The following INTS4 variants were observed in gnomAD, a reference collection of about 807,000 sequenced individuals.
The protein encoded by INTS4 is integrator complex subunit 4, also known as MSTP093.
In INTS4, 70 loss-of-function variants were observed where a neutral mutation model predicts 119.5. That is an observed-to-expected ratio of 0.59 (90% confidence interval 0.48 to 0.71). INTS4 has a LOEUF of 0.71. Among genes scored for constraint, INTS4 ranks in the 30% least tolerant of loss-of-function variants. The pLI is 0.00. For synonymous variants in INTS4, 316 were observed against 419.6 expected (o/e 0.75, Z 3.02); for missense variants, 867 against 1,173.2 (o/e 0.74, Z 3.81).
chr11:77,887,587 G>A (rs935202395), intron 21 of INTS4, among the ~76,000 whole-genome samples: 1 of 152,168 alleles, frequency 6.6e-6, no homozygotes, highest in African/African-American at 2.4e-5. Context: ...TTAGGTAGGA[G>A]AAGGAAATAA....
chr11:77,903,792 A>G (rs1042011488), intron 16 of INTS4, among the ~76,000 whole-genome samples, 172 bp from the exon 17 acceptor site: 1 of 152,200 alleles, frequency 6.6e-6, no homozygotes, highest in African/African-American at 2.4e-5. Context: ...GATGAGACCA[A>G]TGGTTTGGGC....
intron 4 of INTS4, 36 bp downstream of exon 4, chr11:77,978,960 G>C (rs368976777): frequency 4.4e-6 from 6 of 1,353,150 alleles, no homozygotes; most frequent in Non-Finnish European, 6.4e-6. Flanking sequence ...TCAGTTACCA[G>C]TTTAGGATGG....
chr11:77,901,893 T>C (rs543493459), intron 17 of INTS4, among the ~76,000 whole-genome samples: 1 of 151,812 alleles, frequency 6.6e-6, no homozygotes, highest in Non-Finnish European at 1.5e-5. Context: ...ATATATATTA[T>C]GTATGGAAAC....
chr11:77,977,728 A>G (rs10899420), intron 4 of INTS4, among the ~76,000 whole-genome samples: 91,643 of 150,446 alleles, frequency 0.61, 28,442 homozygotes, highest in African/African-American at 0.71. Flanking sequence ...ATATATTTAA[A>G]GCAGATTTAA....
intron 4 of INTS4, chr11:77,963,332 C>A (rs889086148): frequency 8.7e-6 from 3 of 344,892 alleles, no homozygotes; most frequent in South Asian, 6.2e-5. Flanking sequence ...TCTGGCCGGG[C>A]GCAGAACGAG....
intron 10 of INTS4, among the ~76,000 whole-genome samples, chr11:77,929,593 C>T (rs1402704460): frequency 1.3e-5 from 2 of 152,188 alleles, no homozygotes; most frequent in Non-Finnish European, 2.9e-5. Context: ...TGTGGATTCA[C>T]TTGCCTCAAA....
chr11:77,977,325 T>C (rs1231757004), intron 4 of INTS4, among the ~76,000 whole-genome samples: 1 of 151,984 alleles, frequency 6.6e-6, no homozygotes, highest in Non-Finnish European at 1.5e-5. Context: ...GGACACAATA[T>C]CACACAGCTA....
chr11:77,908,143 T>C (rs1324821884), intron 15 of INTS4, among the ~76,000 whole-genome samples: 1 of 152,214 alleles, frequency 6.6e-6, no homozygotes. Flanking sequence ...TATTCATTGT[T>C]ATGTGGACTA....
rs1318211724 is a variant in INTS4, at chr11:77,879,059, AG to A, written c.2781del (p.Trp928GlyfsTer25). 3.1e-6 allele frequency: 5 copies of A among 1,614,170 alleles called. No homozygotes were observed. The highest frequency in any genetic ancestry group is 4.2e-6 in the Non-Finnish European group (5 of 1,180,016). ...GGTGACATCTCACCACCCTCCATCC[AG>A]GGGCATTTTGGAATGCGAGCACTGG... ...YNSSARIPKC[P>X]WMEGGEMSPQ... On this transcript the variant is annotated frameshift_variant, in exon 23 of 23. Coordinates refer to ENST00000534064, the MANE Select transcript of INTS4 (RefSeq NM_033547.4). LOFTEE classifies it high-confidence loss of function.
chr11:77,938,614 T>C, intron 10 of INTS4, 37 bp downstream of exon 10: 1 of 1,593,206 alleles, frequency 6.3e-7, no homozygotes, highest in Non-Finnish European at 8.6e-7. Flanking sequence ...CAGCAGTCAC[T>C]TAAAGAGTGC....
intron 10 of INTS4, among the ~76,000 whole-genome samples, 193 bp downstream of exon 10, chr11:77,938,458 C>T (rs1220777494): frequency 2.0e-5 from 3 of 152,190 alleles, no homozygotes; most frequent in Non-Finnish European, 4.4e-5. Context: ...GAACCCAAAT[C>T]TCTTGCTCTT....
rs1385127515 is a variant in INTS4 at position 77,961,004 on chromosome 11, A to G, written c.606T>C (p.Asp202=). The G allele has an allele frequency of 6.2e-7, 1 of 1,613,792 alleles. No individual in the cohort carries two copies. The highest frequency in any genetic ancestry group is 8.5e-7 in the Non-Finnish European group (1 of 1,179,864). The change falls in exon 5 of 23, where the codon GAT becomes GAC. Residue 202 remains aspartate, a synonymous_variant. Coordinates refer to ENST00000534064, the MANE Select transcript of INTS4 (RefSeq NM_033547.4). Reference sequence around the variant, plus strand: ...CACGTGGGTCTTGGTCACTGAAGTAATCCCCTATAATCTTCTGGACATCTC... The same window carrying G: ...CACGTGGGTCTTGGTCACTGAAGTAGTCCCCTATAATCTTCTGGACATCTC... The part of the protein sequence containing the change: ...AARDVQKIIG[D]YFSDQDPRVR...
chr11:77,922,243 AAAAG>A, intron 13 of INTS4, 109 bp downstream of exon 13: 1 of 1,400,678 alleles, frequency 7.1e-7, no homozygotes, highest in Non-Finnish European at 9.4e-7. Context: ...AAAAAAAAAA[AAAAG>A]AAAGAAAAGC....
intron 11 of INTS4, among the ~76,000 whole-genome samples, chr11:77,926,956 T>C (rs1202411812): frequency 1.3e-5 from 2 of 152,264 alleles, no homozygotes; most frequent in African/African-American, 2.4e-5. Flanking sequence ...CAGGGTGCTA[T>C]GGGAATAGAG....
intron 8 of INTS4, among the ~76,000 whole-genome samples, chr11:77,947,203 T>C (rs1347267844): frequency 6.6e-6 from 1 of 151,448 alleles, no homozygotes; most frequent in Non-Finnish European, 1.5e-5. Context: ...GATTGCCTGA[T>C]GGAGAAGAGA....
intron 4 of INTS4, chr11:77,963,395 T>C: frequency 2.4e-6 from 1 of 410,992 alleles, no homozygotes; most frequent in Non-Finnish European, 4.7e-6. Flanking sequence ...TGCTTTTCTT[T>C]ATACTGTTGG....
chr11:77,963,332 C>T (rs889086148), intron 4 of INTS4: 12 of 344,834 alleles, frequency 3.5e-5, no homozygotes, highest in African/African-American at 8.2e-5. Flanking sequence ...TCTGGCCGGG[C>T]GCAGAACGAG....
intron 22 of INTS4, among the ~76,000 whole-genome samples, chr11:77,880,531 G>A (rs1391386147): frequency 6.6e-6 from 1 of 152,144 alleles, no homozygotes; most frequent in East Asian, 1.9e-4. Context: ...CTGATACCAG[G>A]CTCCAGATGA....
intron 8 of INTS4, 29 bp from the exon 9 acceptor site, chr11:77,941,280 A>G (rs1392465979): frequency 6.3e-7 from 1 of 1,588,342 alleles, no homozygotes; most frequent in African/African-American, 1.4e-5. Context: ...AGAGCATATA[A>G]AACAACTTTT....
Sources: gnomAD v4.1 joint callset for allele counts (sites outside exome capture counted in the v4.1 genomes callset) on GRCh38, gnomAD v4.1.1 for gene constraint, MANE v1.5 for transcripts, NCBI Gene and HGNC (gene_info 2026-07-23, HGNC 2026-07-21) for gene names.